The following RPN1 variants were observed in gnomAD, a reference collection of about 807,000 sequenced individuals.
The protein encoded by RPN1 is dolichyl-diphosphooligosaccharide--protein glycosyltransferase subunit 1.
A neutral mutation model predicts 55.5 loss-of-function variants in RPN1; 12 were observed. The observed-to-expected ratio is 0.22, with a 90% CI of 0.14 to 0.35. The LOEUF is 0.35. Ranked by LOEUF, RPN1 falls within the 10% of genes least tolerant of loss-of-function variation. The pLI, the probability that RPN1 is intolerant of heterozygous loss-of-function variation, is 1.00. For missense variants in RPN1, 679 were observed against 761.3 expected (o/e 0.89, Z 1.27); for synonymous variants, 317 against 305.9 (o/e 1.04, Z -0.38).
At chr3:128,629,862 C>T in intron 5 of RPN1, 89 bp downstream of exon 5, 3 of 710,500 alleles carry the variant, frequency 4.2e-6, no homozygotes, top group African/African-American at 1.8e-5. Flanking sequence ...CAAATGAACA[C>T]ACCCCATCTA....
Position 128,637,864 on chromosome 3 carries a change from T to A in RPN1, c.568A>T (p.Asn190Tyr), listed in dbSNP as rs762392920. 3 of 1,614,088 alleles carry A rather than the reference T, an allele frequency of 1.9e-6. No individual in the cohort carries two copies. The highest frequency in any genetic ancestry group is 2.5e-6 in the Non-Finnish European group (3 of 1,180,044). The change falls in exon 3 of 10, where the codon AAC becomes TAC. Residue 190 changes from asparagine (N) to tyrosine (Y), a missense_variant. By Grantham distance (143) the Asn-to-Tyr change is moderately radical. This residue lies in a region of RPN1 where 352 missense variants were observed against 352.8 expected (regional missense o/e 1.00). Coordinates refer to ENST00000296255, the MANE Select transcript of RPN1 (RefSeq NM_002950.4). ...AGTAGGTCCTCAGAGCGCGTGGGGT[T>A]CCCCAGCTTGGTGTAGCTCTCCACA... ...RNVESYTKLG[N>Y]PTRSEDLLDY...
At chr3:128,621,683 T>G (rs73195078) in intron 9 of RPN1, among the ~76,000 whole-genome samples, 2,639 of 152,296 alleles carry the variant, frequency 0.017, 44 homozygotes, top group Admixed American at 0.026. Context: ...ATATTTTGCA[T>G]GCATTAACTC....
intron 6 of RPN1, among the ~76,000 whole-genome samples, 197 bp from the exon 7 acceptor site, chr3:128,626,209 A>G (rs898431375): frequency 6.6e-6 from 1 of 152,132 alleles, no homozygotes; most frequent in African/African-American, 2.4e-5. Context: ...CCTTTGTTTT[A>G]AAGCCCTTGT....
At position 128,629,091 on chromosome 3, in the gene RPN1, G is replaced by A. The variant is rs573088611; in HGVS notation, c.1036+860C>T. ...TTCAAGAAAGTGATTACTCAAAGTC[G>A]GGGCAATGACTTTGAGAAGGAAGAG... On this transcript the variant is annotated intron_variant, in intron 5 of 9. Coordinates refer to ENST00000296255, the MANE Select transcript of RPN1 (RefSeq NM_002950.4). Among the ~76,000 whole-genome samples, 12 of 152,220 alleles carry A rather than the reference G, an allele frequency of 7.9e-5. No homozygotes were observed. The East Asian group carries it at 9.6e-4, about 12-fold the overall frequency.
chr3:128,646,187 C>T (rs2069766341), intron 1 of RPN1, among the ~76,000 whole-genome samples: 1 of 142,334 alleles, frequency 7.0e-6, no homozygotes, highest in Non-Finnish European at 1.5e-5. Flanking sequence ...CGTGCCATTG[C>T]ACTCCAGCCT....
chr3:128,624,689 C>T (rs979357849), intron 8 of RPN1, among the ~76,000 whole-genome samples: 2 of 151,788 alleles, frequency 1.3e-5, no homozygotes, highest in South Asian at 2.1e-4. Context: ...AGTTGCCCCA[C>T]TAGAAGCACA....
At chr3:128,632,468 A>G (rs2069649200) in intron 3 of RPN1, among the ~76,000 whole-genome samples, 3 of 152,244 alleles carry the variant, frequency 2.0e-5, no homozygotes, top group Admixed American at 2.0e-4. Flanking sequence ...TCAAGACAAT[A>G]TGATGAAATA....
intron 9 of RPN1, among the ~76,000 whole-genome samples, chr3:128,621,804 G>C (rs1456881076): frequency 1.3e-5 from 2 of 152,286 alleles, no homozygotes; most frequent in East Asian, 1.9e-4. Context: ...CTCTGAATCA[G>C]AGCCTGGATT....
In RPN1 at chr3:128,625,929, G is replaced by A. The variant is rs760579180; in HGVS notation, c.1220C>T (p.Pro407Leu). The change falls in exon 7 of 10, where the codon CCT becomes CTT. Residue 407 changes from proline to leucine, a missense_variant. Coordinates refer to ENST00000296255, the MANE Select transcript of RPN1 (RefSeq NM_002950.4). ...ATTTTTCTTGTAGGCAACAATCACA[G>A]GGCGGCCAAATGTGTCCAGATAGGT... Reference protein sequence around the residue: ...HYTYLDTFGRPVIVAYKKNLV... With the variant: ...HYTYLDTFGRLVIVAYKKNLV... The A allele has an allele frequency of 2.0e-5, 32 of 1,613,840 alleles. No homozygotes were observed. The highest frequency in any genetic ancestry group is 2.7e-5 in the Non-Finnish European group (32 of 1,179,904).
chr3:128,634,859 C>G (rs2069665623), intron 3 of RPN1, among the ~76,000 whole-genome samples: 1 of 152,212 alleles, frequency 6.6e-6, no homozygotes, highest in South Asian at 2.1e-4. Context: ...CCGCACCCAG[C>G]CTCTCATGAA....
At chr3:128,622,659 C>T (rs1298788230) in intron 8 of RPN1, among the ~76,000 whole-genome samples, 1 of 152,096 alleles carries the variant, frequency 6.6e-6, no homozygotes, top group Non-Finnish European at 1.5e-5. Flanking sequence ...CTTTGGGAGG[C>T]CAAGGTGGGC....
chr3:128,632,554 A>G (rs2069649562), intron 3 of RPN1, among the ~76,000 whole-genome samples: 1 of 152,106 alleles, frequency 6.6e-6, no homozygotes, highest in Non-Finnish European at 1.5e-5. Context: ...AAGGTCATAA[A>G]CCTAAGTGGC....
chr3:128,637,521 T>C (rs117536042), intron 3 of RPN1, among the ~76,000 whole-genome samples: 1 of 152,084 alleles, frequency 6.6e-6, no homozygotes, highest in African/African-American at 2.4e-5. Context: ...CTCAAAGCCT[T>C]TGTCCCTCTT....
chr3:128,650,162 G>A (rs560726371), intron 1 of RPN1, among the ~76,000 whole-genome samples: 109 of 152,364 alleles, frequency 7.2e-4, no homozygotes, highest in South Asian at 3.5e-3. Flanking sequence ...CTTACGGAAG[G>A]GAGGTGCGTT....
In RPN1 at chr3:128,620,563, C is replaced by T. The variant is rs913169616; in HGVS notation, c.1672G>A (p.Val558Ile). 2.5e-6 allele frequency: 4 copies of T among 1,613,758 alleles called. No individual in the cohort carries two copies. The African/African-American group carries it at 4.0e-5, about 16-fold the overall frequency. The change falls in exon 10 of 10, where the codon GTC becomes ATC. Residue 558 changes from valine to isoleucine, a missense_variant. Transcript: ENST00000296255. ...GCCGACTTCAGCACCAGCTCCTTGA[C>T]CTGTGCATCCAGCTTCTGCATTTCG... is the stretch of plus-strand genomic sequence containing the variant. ...VSEMQKLDAQ[V>I]KELVLKSAVE...
intron 5 of RPN1, among the ~76,000 whole-genome samples, chr3:128,629,476 C>T (rs1249135950): frequency 2.0e-5 from 3 of 152,008 alleles, no homozygotes; most frequent in Non-Finnish European, 4.4e-5. Context: ...GCAGGAGAAT[C>T]GCTTGAACCA....
chr3:128,627,060 T>A (rs1340392925), intron 5 of RPN1: 7 of 525,838 alleles, frequency 1.3e-5, no homozygotes, highest in Non-Finnish European at 2.1e-5. Flanking sequence ...CTTCACGTTA[T>A]CAGTGTCTGT....
intron 3 of RPN1, among the ~76,000 whole-genome samples, chr3:128,632,534 T>C (rs1041725497): frequency 1.3e-5 from 2 of 152,194 alleles, no homozygotes; most frequent in African/African-American, 2.4e-5. Flanking sequence ...CAGTTTCCAA[T>C]ATCTTGTTCA....
chr3:128,645,821 A>G (rs1454852774), intron 1 of RPN1, among the ~76,000 whole-genome samples: 2 of 152,270 alleles, frequency 1.3e-5, no homozygotes, highest in African/African-American at 4.8e-5. Flanking sequence ...CTCTGTCTCA[A>G]AAAAAGAAAT....
Sources: gnomAD v4.1 joint callset for allele counts (sites outside exome capture counted in the v4.1 genomes callset) on GRCh38, gnomAD v4.1.1 for gene constraint, gnomAD v4.1.1 regional missense constraint, MANE v1.5 for transcripts, NCBI Gene and HGNC (gene_info 2026-07-23, HGNC 2026-07-21) for gene names.